Variants in SH3RF3 observed in about 807,000 individuals in gnomAD.
SH3RF3 encodes the protein SH3 domain containing ring finger 3.
Under a neutral mutation model 66.3 loss-of-function variants are expected in SH3RF3, and 29 were observed. That is an observed-to-expected ratio of 0.44 (90% CI 0.33 to 0.60). The LOEUF (loss-of-function observed/expected upper bound fraction) is 0.60. Among genes scored for constraint, SH3RF3 ranks in the 20% least tolerant of loss-of-function variants. SH3RF3 has a pLI of 0.04. For missense variants in SH3RF3, 1,194 were observed against 1,190.9 expected (o/e 1.00, Z -0.04); for synonymous variants, 583 against 532.0 (o/e 1.10, Z -1.32).
chr2:109,198,252 T>C (rs976375978), intron 1 of SH3RF3, among the ~76,000 whole-genome samples: 2 of 152,208 alleles, frequency 1.3e-5, no homozygotes, highest in East Asian at 3.8e-4. Context: ...GCCTGTGATC[T>C]AAGCCCTGTG....
intron 3 of SH3RF3, among the ~76,000 whole-genome samples, chr2:109,382,179 T>A (rs915481386): frequency 2.6e-5 from 4 of 152,160 alleles, no homozygotes; most frequent in African/African-American, 9.7e-5. Context: ...TTAGCAAGAG[T>A]GTGGCTTTCT....
At chr2:109,307,580 C>T (rs1444784252) in intron 1 of SH3RF3, among the ~76,000 whole-genome samples, 2 of 120,280 alleles carry the variant, frequency 1.7e-5, no homozygotes, top group African/African-American at 3.3e-5. Context: ...CCCCTCCCCC[C>T]ACCCCACCAC....
At chr2:109,498,657 G>T (rs13401959) in intron 9 of SH3RF3, among the ~76,000 whole-genome samples, 1 of 151,922 alleles carries the variant, frequency 6.6e-6, no homozygotes, top group East Asian at 1.9e-4. Context: ...CCCCTAAGTA[G>T]TATCAAGTAG....
intron 1 of SH3RF3, among the ~76,000 whole-genome samples, chr2:109,323,543 G>A (rs1682078181): frequency 6.6e-6 from 1 of 152,240 alleles, no homozygotes. Flanking sequence ...GGTAGTGGTA[G>A]ATGGGGCATA....
chr2:109,424,769 C>T (rs7371275), intron 5 of SH3RF3, among the ~76,000 whole-genome samples: 82,098 of 151,944 alleles, frequency 0.54, 22,463 homozygotes, highest in African/African-American at 0.6. Flanking sequence ...TCCCCCATCT[C>T]TCTTTCTCTC....
intron 1 of SH3RF3, among the ~76,000 whole-genome samples, chr2:109,213,195 G>T (rs1387299394): frequency 1.3e-5 from 2 of 152,206 alleles, no homozygotes; most frequent in African/African-American, 4.8e-5. Context: ...CTCTTCCTTG[G>T]CAAGAACTCT....
Position 109,428,251 on chromosome 2 carries a change from A to AG in SH3RF3, c.1404-4248dup, listed in dbSNP as rs60071894. ...GACGTATGAGCAAGCCACCATCTAG[A>AG]GGAGAAAGGGGATGAAATTAGCGAA... On this transcript the variant is annotated intron_variant, in intron 5 of 9. Transcript: ENST00000309415. Among the ~76,000 whole-genome samples, 1,009 of 152,370 alleles carry AG rather than the reference A, an allele frequency of 6.6e-3. 12 individuals carry two copies. The highest frequency in any genetic ancestry group is 0.023 in the African/African-American group (953 of 41,582).
intron 1 of SH3RF3, among the ~76,000 whole-genome samples, chr2:109,335,254 C>T (rs720979): frequency 0.27 from 41,342 of 152,210 alleles, 7,300 homozygotes; most frequent in African/African-American, 0.5. Context: ...GCCCCTCGCC[C>T]GTCCCACACG....
intron 1 of SH3RF3, among the ~76,000 whole-genome samples, chr2:109,248,218 A>G (rs1358578294): frequency 6.6e-6 from 1 of 152,212 alleles, no homozygotes; most frequent in African/African-American, 2.4e-5. Flanking sequence ...GTTGATTCAG[A>G]TGAATAGGAG....
At chr2:109,399,019 C>A in intron 4 of SH3RF3, 76 bp downstream of exon 4, 1 of 1,433,788 alleles carries the variant, frequency 7.0e-7, no homozygotes, top group Non-Finnish European at 9.4e-7. Context: ...TCAGTGTCCC[C>A]CGTTCCTCAA....
intron 1 of SH3RF3, among the ~76,000 whole-genome samples, chr2:109,195,409 C>T (rs867236229): frequency 5.9e-5 from 9 of 152,358 alleles, no homozygotes; most frequent in Admixed American, 1.3e-4. Flanking sequence ...CCCTGGCCTG[C>T]GGACACCAGC....
chr2:109,493,041 C>A (rs1471408502), intron 9 of SH3RF3, among the ~76,000 whole-genome samples: 1 of 151,888 alleles, frequency 6.6e-6, no homozygotes, highest in African/African-American at 2.4e-5. Flanking sequence ...CAAACACATA[C>A]CCCACATACA....
At chr2:109,263,047 TATTG>T (rs757235227) in intron 1 of SH3RF3, among the ~76,000 whole-genome samples, 3 of 152,072 alleles carry the variant, frequency 2.0e-5, no homozygotes, top group Non-Finnish European at 2.9e-5. Context: ...GGTTTCACCA[TATTG>T]GCCAGGCTGG....
intron 1 of SH3RF3, among the ~76,000 whole-genome samples, chr2:109,334,178 A>G (rs1401104528): frequency 6.6e-6 from 1 of 152,108 alleles, no homozygotes; most frequent in Non-Finnish European, 1.5e-5. Context: ...TAACATGGTG[A>G]GACCCCGTCC....
chr2:109,214,366 G>T (rs1679059870), intron 1 of SH3RF3, among the ~76,000 whole-genome samples: 1 of 152,008 alleles, frequency 6.6e-6, no homozygotes, highest in South Asian at 2.1e-4. Context: ...GCAGCAGGAG[G>T]CCGGGGCCAC....
At chr2:109,141,021 G>A (rs1430119256) in intron 1 of SH3RF3, among the ~76,000 whole-genome samples, 1 of 152,138 alleles carries the variant, frequency 6.6e-6, no homozygotes, top group Non-Finnish European at 1.5e-5. Context: ...TTGGGCAGGC[G>A]GTATCTGGCT....
At chr2:109,481,915 G>A (rs1678846467) in intron 8 of SH3RF3, among the ~76,000 whole-genome samples, 1 of 152,184 alleles carries the variant, frequency 6.6e-6, no homozygotes. Context: ...CTGGAGTTTG[G>A]TAATGGTCGT....
intron 8 of SH3RF3, among the ~76,000 whole-genome samples, chr2:109,487,646 C>A (rs548063275): frequency 6.6e-6 from 1 of 152,190 alleles, no homozygotes; most frequent in Non-Finnish European, 1.5e-5. Flanking sequence ...CATATACTCT[C>A]AGCAGCTGGG....
At chr2:109,458,066 G>A (rs899198546) in intron 8 of SH3RF3, among the ~76,000 whole-genome samples, 3 of 152,164 alleles carry the variant, frequency 2.0e-5, no homozygotes, top group African/African-American at 7.2e-5. Context: ...GCAGGAGCCG[G>A]GGAGGGCACT....
Sources: gnomAD v4.1 joint callset for allele counts (sites outside exome capture counted in the v4.1 genomes callset) on GRCh38, gnomAD v4.1.1 for gene constraint, MANE v1.5 for transcripts, NCBI Gene and HGNC (gene_info 2026-07-23, HGNC 2026-07-21) for gene names.